Variants in CSMD1 observed in about 807,000 individuals in gnomAD.
CSMD1 encodes CUB and sushi domain-containing protein 1.
A neutral mutation model predicts 417.5 loss-of-function variants in CSMD1; 213 were observed. The observed-to-expected ratio is 0.51, with a 90% CI of 0.46 to 0.57. CSMD1 has a LOEUF of 0.57. CSMD1 is among the 20% of genes least tolerant of loss of function. CSMD1 has a pLI of 0.00. For missense variants in CSMD1, 6,923 were observed against 4,529.7 expected (o/e 1.53, Z -15.17); for synonymous variants, 2,862 against 1,736.8 (o/e 1.65, Z -16.11).
At chr8:4,214,032 C>A (rs183172848) in intron 3 of CSMD1, among the ~76,000 whole-genome samples, 2 of 152,234 alleles carry the variant, frequency 1.3e-5, no homozygotes, top group East Asian at 3.9e-4. Flanking sequence ...TAACAATGGA[C>A]AAAAAGGAAA....
At position 3,218,626 on chromosome 8, in the gene CSMD1, C is replaced by T. The variant is rs185581289; in HGVS notation, c.4672+629G>A. On this transcript the variant is annotated intron_variant, in intron 29 of 69. Coordinates refer to ENST00000635120, the MANE Select transcript of CSMD1 (RefSeq NM_033225.6). ...GTGACTCACGTCTATAATCACAGCA[C>T]TTTGGGAGGCCGAGGCAGGTGGATC... Among the ~76,000 whole-genome samples, 492 of 151,530 alleles carry T rather than the reference C, an allele frequency of 3.2e-3. 2 individuals are homozygous for T. Among genetic ancestry groups the T allele is most frequent in the Non-Finnish European group, 5.5e-3 (376 of 67,904 alleles).
chr8:3,799,290 A>C (rs551027120), intron 5 of CSMD1, among the ~76,000 whole-genome samples: 1 of 151,698 alleles, frequency 6.6e-6, no homozygotes, highest in East Asian at 1.9e-4. Context: ...GTACATGTGC[A>C]CAATGTGCAG....
In CSMD1 at chr8:4,602,047, G is replaced by A. The variant is rs560835486; in HGVS notation, c.302+35295C>T. ...CTAGCAGGCATTCCCCAAGAAGAAT[G>A]AATATAGAAATAGATAAAGGATGTA... On this transcript the variant is annotated intron_variant, in intron 2 of 69. Coordinates refer to ENST00000635120, the MANE Select transcript of CSMD1 (RefSeq NM_033225.6). Among the ~76,000 whole-genome samples, 3 of 152,284 alleles carry A rather than the reference G, an allele frequency of 2.0e-5. No individual in the cohort carries two copies. The East Asian group carries it at 5.8e-4, about 29-fold the overall frequency.
intron 22 of CSMD1, among the ~76,000 whole-genome samples, chr8:3,345,388 C>T (rs1337288115): frequency 1.3e-5 from 2 of 152,156 alleles, no homozygotes; most frequent in Non-Finnish European, 2.9e-5. Context: ...CTGGGTCCAA[C>T]CACCGAAACC....
At chr8:4,335,738 G>A (rs188888371) in intron 3 of CSMD1, among the ~76,000 whole-genome samples, 1 of 151,980 alleles carries the variant, frequency 6.6e-6, no homozygotes, top group African/African-American at 2.4e-5. Context: ...CCTTAATAGG[G>A]CTCACGGCAA....
At chr8:4,440,410 A>G (rs1384890812) in intron 2 of CSMD1, among the ~76,000 whole-genome samples, 2 of 152,176 alleles carry the variant, frequency 1.3e-5, no homozygotes, top group Non-Finnish European at 2.9e-5. Context: ...ACTCACACCT[A>G]TATCTAATTA....
chr8:3,983,277 C>T (rs926278205), intron 5 of CSMD1, among the ~76,000 whole-genome samples: 12 of 151,870 alleles, frequency 7.9e-5, no homozygotes, highest in African/African-American at 2.9e-4. Context: ...ACTACAGGCG[C>T]CCACCACCAC....
At chr8:4,497,789 G>A (rs1296260058) in intron 2 of CSMD1, among the ~76,000 whole-genome samples, 1 of 152,190 alleles carries the variant, frequency 6.6e-6, no homozygotes, top group Non-Finnish European at 1.5e-5. Flanking sequence ...CTGAAGCTTA[G>A]CAGAAAGATT....
At chr8:3,955,076 C>T (rs1811850326) in intron 5 of CSMD1, among the ~76,000 whole-genome samples, 1 of 152,202 alleles carries the variant, frequency 6.6e-6, no homozygotes, top group South Asian at 2.1e-4. Context: ...TGAACCATCA[C>T]CTGACATTTC....
chr8:3,520,029 T>C (rs946676410), intron 10 of CSMD1, among the ~76,000 whole-genome samples: 2 of 146,014 alleles, frequency 1.4e-5, no homozygotes, highest in Non-Finnish European at 3.0e-5. Flanking sequence ...CCTATATATA[T>C]ATATATATAT....
intron 25 of CSMD1, among the ~76,000 whole-genome samples, chr8:3,305,476 G>A (rs1440238667): frequency 1.3e-5 from 2 of 150,982 alleles, no homozygotes; most frequent in Non-Finnish European, 3.0e-5. Flanking sequence ...AGGGATTAAT[G>A]CTGTTATCAT....
chr8:3,287,820 C>G (rs184804941), intron 25 of CSMD1, among the ~76,000 whole-genome samples: 1 of 151,406 alleles, frequency 6.6e-6, no homozygotes, highest in Non-Finnish European at 1.5e-5. Flanking sequence ...ATTGCCCTGG[C>G]CAGAACTTCC....
intron 1 of CSMD1, among the ~76,000 whole-genome samples, chr8:4,695,008 G>A (rs913763263): frequency 6.6e-6 from 1 of 151,902 alleles, no homozygotes; most frequent in Admixed American, 6.6e-5. Flanking sequence ...AAAATACCAC[G>A]TGATTAAGCT....
At chr8:3,607,740 C>A (rs1801690462) in intron 8 of CSMD1, among the ~76,000 whole-genome samples, 1 of 152,204 alleles carries the variant, frequency 6.6e-6, no homozygotes, top group African/African-American at 2.4e-5. Flanking sequence ...GTCGGTTTTG[C>A]CTATTAAAGC....
intron 5 of CSMD1, among the ~76,000 whole-genome samples, chr8:3,896,505 CTAT>C (rs570513032): frequency 9.9e-5 from 15 of 150,966 alleles, no homozygotes; most frequent in Admixed American, 2.6e-4. Flanking sequence ...AATATTATTA[CTAT>C]TATTATTATT....
At chr8:4,652,896 C>T (rs1352329681) in intron 1 of CSMD1, among the ~76,000 whole-genome samples, 2 of 151,292 alleles carry the variant, frequency 1.3e-5, no homozygotes, top group Admixed American at 6.6e-5. Context: ...GAATCTAACG[C>T]CGCTGCTGAT....
chr8:4,150,477 G>C (rs1161618455), intron 3 of CSMD1, among the ~76,000 whole-genome samples: 2 of 152,126 alleles, frequency 1.3e-5, no homozygotes, highest in African/African-American at 2.4e-5. Context: ...TCAGCTAACA[G>C]AATTTTTCAC....
At chr8:3,701,836 C>G (rs1259602719) in intron 7 of CSMD1, among the ~76,000 whole-genome samples, 1 of 152,092 alleles carries the variant, frequency 6.6e-6, no homozygotes. Context: ...CAAATTATGC[C>G]TGAGCCACAA....
chr8:3,909,657 C>G (rs1808329623), intron 5 of CSMD1, among the ~76,000 whole-genome samples: 1 of 152,130 alleles, frequency 6.6e-6, no homozygotes, highest in African/African-American at 2.4e-5. Context: ...GAAGAGTCAC[C>G]TGGGAACCCT....
Sources: gnomAD v4.1 joint callset for allele counts (sites outside exome capture counted in the v4.1 genomes callset) on GRCh38, gnomAD v4.1.1 for gene constraint, MANE v1.5 for transcripts, NCBI Gene and HGNC (gene_info 2026-07-23, HGNC 2026-07-21) for gene names.